Variants in PDGFRB observed in about 807,000 individuals in gnomAD.
The protein encoded by PDGFRB is platelet-derived growth factor receptor beta.
PDGFRB carries 42 observed loss-of-function variants against 120.2 expected under a neutral mutation model. That is an observed-to-expected ratio of 0.35 (90% CI 0.27 to 0.45). PDGFRB has a LOEUF of 0.45. Ranked by LOEUF, PDGFRB falls within the 20% of genes least tolerant of loss-of-function variation. PDGFRB has a pLI of 1.00. For missense variants in PDGFRB, 1,149 were observed against 1,476.3 expected, an observed-to-expected ratio of 0.78 and a Z score of 3.63; for synonymous variants, 586 against 606.8, an observed-to-expected ratio of 0.97 and a Z score of 0.50.
chr5:150,132,240 C>T lies in PDGFRB; in HGVS notation c.1128-146G>A, dbSNP rs551829342. ...TTGGTAGCAGAGCCGGGACTCAAAC[C>T]AGGTCTCGTAAATCCTCACCCACAG... On this transcript the variant is annotated intron_variant, in intron 7 of 22. Coordinates refer to ENST00000261799, the MANE Select transcript of PDGFRB (RefSeq NM_002609.4). This position sits in a 1 kb window ranked among gnomAD's most constrained non-coding sequence, Gnocchi z 5.0. 17 of 609,718 alleles carry T rather than the reference C, an allele frequency of 2.8e-5. No homozygotes were observed. The highest frequency in any genetic ancestry group is 5.1e-5 in the Non-Finnish European group (17 of 336,184). The allele number at this position is 609,718 out of a possible 1,614,324, so 37.8% of individuals were successfully genotyped here.
chr5:150,130,202 G>A (rs890167936), intron 9 of PDGFRB, among the ~76,000 whole-genome samples: 45 of 152,200 alleles, frequency 3.0e-4, no homozygotes, highest in African/African-American at 9.9e-4. Context: ...GTCACACGGC[G>A]TATGGGGTAG....
intron 22 of PDGFRB, among the ~76,000 whole-genome samples, chr5:150,117,099 T>A (rs139901250): frequency 2.2e-4 from 33 of 152,292 alleles, no homozygotes; most frequent in African/African-American, 7.9e-4. Context: ...ACTTCACCAC[T>A]TCCCAAGGCA....
rs2113902466 is a variant in PDGFRB at position 150,129,762 on chromosome 5, G to A, written c.1574C>T (p.Pro525Leu). 1.2e-6 allele frequency: 2 copies of A among 1,611,678 alleles called. No individual in the cohort carries two copies. The highest frequency in any genetic ancestry group is 1.7e-6 in the Non-Finnish European group (2 of 1,178,704). ...CACTGAGGCTGGGGACTCACAGTGT[G>A]GCACCACGATGACCTCCTGCGTGTC... ...GQDTQEVIVV[P>L]HSLPFKVVVI... Residue 525 changes from proline (P) to leucine (L), a missense_variant, in exon 10 of 23, where the codon CCA (proline) becomes CTA (leucine). Physicochemically the swap from Pro to Leu is moderately conservative, Grantham distance 98. Transcript: ENST00000261799.
intron 11 of PDGFRB, 64 bp downstream of exon 11, chr5:150,126,456 G>C: frequency 1.1e-6 from 1 of 883,692 alleles, no homozygotes. Flanking sequence ...GAGGGCAGAG[G>C]GGTGGAATTT....
rs150827671 is a variant in PDGFRB, at chr5:150,125,008, G to A, written c.1808-177C>T. ...ATTACTTAAACCACCTTGGACTCAGGATATTCCCTAAACACACTCCTGCAA... is the reference window on the plus strand; with the variant it reads ...ATTACTTAAACCACCTTGGACTCAGAATATTCCCTAAACACACTCCTGCAA... On this transcript the variant is annotated intron_variant, in intron 12 of 22. Transcript: ENST00000261799. Among the ~76,000 whole-genome samples, 576 of 151,872 alleles carry A rather than the reference G, an allele frequency of 3.8e-3. 2 individuals are homozygous for A. Among genetic ancestry groups the A allele is most frequent in the African/African-American group, 9.8e-3 (407 of 41,374 alleles).
chr5:150,143,776 C>T (rs949486934), intron 1 of PDGFRB, among the ~76,000 whole-genome samples: 11 of 151,864 alleles, frequency 7.2e-5, no homozygotes, highest in Non-Finnish European at 1.3e-4. Context: ...GGGAAGTGGC[C>T]GAGGCTCCCA....
chr5:150,151,940 A>T (rs974021716), intron 1 of PDGFRB, among the ~76,000 whole-genome samples: 13 of 148,746 alleles, frequency 8.7e-5, no homozygotes, highest in African/African-American at 2.2e-4. Context: ...TTATTTATTT[A>T]TTTATTTTTT....
chr5:150,124,646 C>T, intron 13 of PDGFRB, 81 bp downstream of exon 13: 2 of 699,482 alleles, frequency 2.9e-6, no homozygotes, highest in Non-Finnish European at 2.5e-6. Flanking sequence ...AGCATCAGGC[C>T]ACCCTGGGAG....
chr5:150,117,955 C>A, intron 21 of PDGFRB, 105 bp from the exon 22 acceptor site: 1 of 667,228 alleles, frequency 1.5e-6, no homozygotes, highest in Non-Finnish European at 2.7e-6. Flanking sequence ...AATAAGACCC[C>A]CGCTGCTCAG....
chr5:150,122,869 A>G (rs1054069250), intron 15 of PDGFRB, among the ~76,000 whole-genome samples, 173 bp downstream of exon 15: 1 of 152,212 alleles, frequency 6.6e-6, no homozygotes, highest in Non-Finnish European at 1.5e-5. Flanking sequence ...GCCTGGCATT[A>G]GTGTTATTCC....
chr5:150,121,680 C>T lies in PDGFRB; in HGVS notation c.2344+200G>A, dbSNP rs1322775751. Among the ~76,000 whole-genome samples the T allele has an allele frequency of 6.6e-6, 1 of 152,340 alleles. No individual in the cohort carries two copies. The highest frequency in any genetic ancestry group is 6.5e-5 in the Admixed American group (1 of 15,302). On this transcript the variant is annotated intron_variant, in intron 16 of 22. Coordinates refer to ENST00000261799, the MANE Select transcript of PDGFRB (RefSeq NM_002609.4). This position sits in a 1 kb window ranked among gnomAD's most constrained non-coding sequence, Gnocchi z 4.1. Reference sequence around the variant, plus strand: ...GCTCTCTCCCTCCCTGAGGGTTCTACGCATGTTTCCGGATCCATAAACAGG... The same window carrying T: ...GCTCTCTCCCTCCCTGAGGGTTCTATGCATGTTTCCGGATCCATAAACAGG...
At chr5:150,149,272 C>T (rs1761007464) in intron 1 of PDGFRB, among the ~76,000 whole-genome samples, 1 of 152,194 alleles carries the variant, frequency 6.6e-6, no homozygotes, top group South Asian at 2.1e-4. Context: ...CCGTCCCAAA[C>T]TCAGCCTGAA....
At chr5:150,127,058 C>A (rs1054729355) in intron 10 of PDGFRB, among the ~76,000 whole-genome samples, 3 of 152,230 alleles carry the variant, frequency 2.0e-5, no homozygotes, top group Non-Finnish European at 4.4e-5. Flanking sequence ...CATGCCTGAC[C>A]GAGTGGCCGG....
In PDGFRB at chr5:150,130,636, C is replaced by T; in HGVS notation, c.1270G>A (p.Glu424Lys). The change falls in exon 9 of 23, where the codon GAG becomes AAG. Residue 424 changes from glutamate (E) to lysine (K), a missense_variant. Physicochemically the swap from Glu to Lys is moderately conservative, Grantham distance 56. This residue lies in a region of PDGFRB where 879 missense variants were observed against 1,108.6 expected (regional missense o/e 0.79). Transcript: ENST00000261799. The part of the protein sequence containing the change: ...NVPVRVLELS[E>K]SHPDSGEQTV... The stretch of plus-strand genomic sequence containing the variant: ...TGTTCCCCACTGTCAGGGTGGCTCT[C>T]ACTTAGCTCCAGCACTCGGACAGGG... 6.2e-7 allele frequency: 1 copy of T among 1,613,268 alleles called. No individual in the cohort carries two copies. The highest frequency in any genetic ancestry group is 1.1e-5 in the South Asian group (1 of 91,026).
chr5:150,135,394 GT>G (rs1351999942), intron 3 of PDGFRB, among the ~76,000 whole-genome samples, 160 bp downstream of exon 3: 1 of 152,074 alleles, frequency 6.6e-6, no homozygotes, highest in Non-Finnish European at 1.5e-5. Flanking sequence ...CAAGGAGTGG[GT>G]GCGAACACAC....
chr5:150,137,849 G>T (rs1439840144), intron 1 of PDGFRB, among the ~76,000 whole-genome samples: 1 of 152,234 alleles, frequency 6.6e-6, no homozygotes, highest in African/African-American at 2.4e-5. Flanking sequence ...CTGAGAGGGA[G>T]ACAGAGAGAA....
chr5:150,138,694 C>T (rs2113917043), intron 1 of PDGFRB, among the ~76,000 whole-genome samples: 1 of 152,366 alleles, frequency 6.6e-6, no homozygotes. Context: ...TGCCCCAGCC[C>T]CTCCAGCTGG....
At chr5:150,142,274 G>A (rs1188731864) in intron 1 of PDGFRB, among the ~76,000 whole-genome samples, 1 of 152,216 alleles carries the variant, frequency 6.6e-6, no homozygotes, top group Admixed American at 6.5e-5. Flanking sequence ...CCCGCCTCCA[G>A]CCCCTGCTAA....
intron 1 of PDGFRB, among the ~76,000 whole-genome samples, chr5:150,152,926 G>C (rs979493897): frequency 2.0e-5 from 3 of 152,234 alleles, no homozygotes; most frequent in Non-Finnish European, 4.4e-5. Context: ...CAGAGAAGGA[G>C]ATTGAGGCCC....
Sources: gnomAD v4.1 joint callset for allele counts (sites outside exome capture counted in the v4.1 genomes callset) on GRCh38, gnomAD v4.1.1 for gene constraint, gnomAD v4.1.1 regional missense constraint, Gnocchi (gnomAD v3.1) non-coding constraint, MANE v1.5 for transcripts, NCBI Gene and HGNC (gene_info 2026-07-23, HGNC 2026-07-21) for gene names.